The following CHKA variants were observed in gnomAD, a reference collection of about 807,000 sequenced individuals.
The protein encoded by CHKA is CHETK-alpha.
Under a neutral mutation model 60.1 loss-of-function variants are expected in CHKA, and 34 were observed. That is an observed-to-expected ratio of 0.57 (90% CI 0.43 to 0.75). The LOEUF (loss-of-function observed/expected upper bound fraction) is 0.75. Among genes scored for constraint, CHKA ranks in the 30% least tolerant of loss-of-function variants. The probability of loss-of-function intolerance (pLI) is 0.00; values close to 1 mark genes in which losing one functional copy is unlikely to be tolerated. For missense variants in CHKA, 563 were observed against 561.3 expected (o/e 1.00, Z -0.03); for synonymous variants, 217 against 223.1 (o/e 0.97, Z 0.24).
intron 3 of CHKA, among the ~76,000 whole-genome samples, chr11:68,076,608 G>T (rs1469278475): frequency 1.3e-5 from 2 of 152,072 alleles, no homozygotes; most frequent in African/African-American, 4.8e-5. Context: ...AAAGTAAACA[G>T]GGGCTGGGCA....
chr11:68,097,258 C>T (rs1441735761), intron 1 of CHKA, 128 bp from the exon 2 acceptor site: 1 of 575,772 alleles, frequency 1.7e-6, no homozygotes, highest in East Asian at 3.2e-5. Flanking sequence ...TTTATTCTCT[C>T]AATTTAACTC....
At chr11:68,114,379 A>C (rs918880680) in intron 1 of CHKA, among the ~76,000 whole-genome samples, 4 of 152,214 alleles carry the variant, frequency 2.6e-5, no homozygotes, top group African/African-American at 7.2e-5. Context: ...GAGTATTAAA[A>C]AGAAGTGAGT....
chr11:68,069,664 C>T (rs1372391398), intron 6 of CHKA, among the ~76,000 whole-genome samples: 3 of 143,782 alleles, frequency 2.1e-5, no homozygotes, highest in Non-Finnish European at 4.5e-5. Context: ...AGCCTGGCAA[C>T]AAAGCGAGAC....
At chr11:68,078,617 T>C (rs530045187) in intron 3 of CHKA, among the ~76,000 whole-genome samples, 6 of 152,326 alleles carry the variant, frequency 3.9e-5, no homozygotes, top group South Asian at 2.1e-4. Context: ...AAGAAGAGTA[T>C]TGATGTTATG....
chr11:68,083,972 G>C (rs762611454), intron 2 of CHKA, among the ~76,000 whole-genome samples: 56 of 151,956 alleles, frequency 3.7e-4, no homozygotes, highest in Non-Finnish European at 7.5e-4. Flanking sequence ...GGGCCGGCGG[G>C]GGTGGCCCAT....
At chr11:68,065,765 A>G (rs1481410122) in intron 9 of CHKA, 21 bp downstream of exon 9, 2 of 1,461,332 alleles carry the variant, frequency 1.4e-6, no homozygotes, top group Non-Finnish European at 1.9e-6. Flanking sequence ...CCTATCAAGT[A>G]TACAAAAACT....
At chr11:68,055,456 T>C (rs1348772045) in intron 11 of CHKA, among the ~76,000 whole-genome samples, 1 of 152,138 alleles carries the variant, frequency 6.6e-6, no homozygotes. Context: ...GTGGAATTTG[T>C]TTTCATTTGT....
chr11:68,073,588 T>C (rs902128738), intron 4 of CHKA, among the ~76,000 whole-genome samples: 2 of 152,188 alleles, frequency 1.3e-5, no homozygotes, highest in African/African-American at 4.8e-5. Flanking sequence ...CACTGGCAGC[T>C]AGCACAACAC....
Position 68,121,202 on chromosome 11 carries a change from CG to C in CHKA, c.-26del, listed in dbSNP as rs1858636941. The stretch of plus-strand genomic sequence containing the variant: ...TGCCCGACAGGCGGCCGAGGAGGCG[CG>C]GGCGGCCGCAGCGCGAGAGGACTAG... On this transcript the variant is annotated 5_prime_UTR_variant, in exon 1 of 12. Transcript: ENST00000265689. 6 of 1,152,426 alleles carry C rather than the reference CG, an allele frequency of 5.2e-6. No individual in the cohort carries two copies. In the South Asian group the frequency reaches 1.6e-4, roughly 30 times the overall value. The allele number at this position is 1,152,426 out of a possible 1,614,324, so 71.4% of individuals were successfully genotyped here.
At chr11:68,066,358 T>C in intron 8 of CHKA, 71 bp downstream of exon 8, 2 of 1,280,056 alleles carry the variant, frequency 1.6e-6, no homozygotes, top group East Asian at 2.3e-5. Flanking sequence ...TTTTCTCTAA[T>C]AACTGTTAAT....
chr11:68,063,605 T>C (rs980260506), intron 10 of CHKA, among the ~76,000 whole-genome samples: 1 of 152,144 alleles, frequency 6.6e-6, no homozygotes, highest in African/African-American at 2.4e-5. Context: ...TTCTTGGACA[T>C]GGGAACTCTT....
chr11:68,056,821 G>A (rs1226551709), intron 11 of CHKA, among the ~76,000 whole-genome samples: 1 of 152,070 alleles, frequency 6.6e-6, no homozygotes, highest in East Asian at 1.9e-4. Context: ...ACCAGCCTGG[G>A]CAACACAGTG....
intron 2 of CHKA, chr11:68,082,032 T>A (rs1857004778): frequency 6.6e-6 from 1 of 152,258 alleles, no homozygotes; most frequent in Non-Finnish European, 1.5e-5. Context: ...CAAGCTGAAC[T>A]GTTCCTCTAC....
chr11:68,068,946 A>G lies in CHKA; in HGVS notation c.870-9T>C, dbSNP rs762380281. 6.2e-7 allele frequency: 1 copy of G among 1,609,660 alleles called. No homozygotes were observed. The highest frequency in any genetic ancestry group is 1.1e-5 in the South Asian group (1 of 90,984). On this transcript the variant is annotated splice_polypyrimidine_tract_variant and intron_variant, in intron 6 of 11. Transcript: ENST00000265689. ...TAGATTCAAGCAATGATCTGAAAAGAAAGGTTTCACTGTTACCCATCACGC... is the reference window on the plus strand; with the variant it reads ...TAGATTCAAGCAATGATCTGAAAAGGAAGGTTTCACTGTTACCCATCACGC...
At chr11:68,095,706 C>A (rs186443173) in intron 2 of CHKA, among the ~76,000 whole-genome samples, 303 of 24,076 alleles carry the variant, frequency 0.013, 3 homozygotes, top group African/African-American at 0.041. Context: ...AAGACTCCGT[C>A]GCAAAAAAAA....
At chr11:68,069,272 T>C (rs1334411860) in intron 6 of CHKA, among the ~76,000 whole-genome samples, 2 of 152,192 alleles carry the variant, frequency 1.3e-5, no homozygotes, top group African/African-American at 2.4e-5. Context: ...AGGGCCTACT[T>C]TGATCTGTTT....
At chr11:68,091,526 A>C (rs1026931146) in intron 2 of CHKA, among the ~76,000 whole-genome samples, 1 of 152,058 alleles carries the variant, frequency 6.6e-6, no homozygotes, top group Non-Finnish European at 1.5e-5. Context: ...CTAAACAAAA[A>C]CTCCAGGATA....
chr11:68,070,351 G>C (rs1020782962), intron 5 of CHKA, 58 bp from the exon 6 acceptor site: 15 of 1,253,964 alleles, frequency 1.2e-5, no homozygotes, highest in Non-Finnish European at 1.6e-5. Context: ...ATTCACCAAG[G>C]CTTGCTGTTC....
At chr11:68,089,898 T>C (rs1857295998) in intron 2 of CHKA, 1 of 152,154 alleles carries the variant, frequency 6.6e-6, no homozygotes, top group African/African-American at 2.4e-5. Flanking sequence ...AGAGAACACA[T>C]GCACATACAG....
Sources: allele counts gnomAD v4.1 joint callset (sites outside exome capture counted in the v4.1 genomes callset), GRCh38; gene constraint gnomAD v4.1.1; transcripts MANE v1.5; gene names NCBI Gene and HGNC (gene_info 2026-07-23, HGNC 2026-07-21).